RDX: variants seen among roughly 807,000 people sequenced by gnomAD.
The protein encoded by RDX is deafness, autosomal recessive 24.
Under a neutral mutation model 83.7 loss-of-function variants are expected in RDX, and 32 were observed. That is an observed-to-expected ratio of 0.38 (90% CI 0.29 to 0.51). The LOEUF is 0.51. Among genes scored for constraint, RDX ranks in the 20% least tolerant of loss-of-function variants. The pLI is 0.87. For synonymous variants in RDX, 229 were observed against 222.7 expected (o/e 1.03, Z -0.25); for missense variants, 600 against 689.9 (o/e 0.87, Z 1.46).
chr11:110,204,718 T>C (rs1433241797), intron 14 of RDX, among the ~76,000 whole-genome samples: 4 of 152,074 alleles, frequency 2.6e-5, no homozygotes, highest in Non-Finnish European at 4.4e-5. Flanking sequence ...GGCTTTACCA[T>C]GTTGGTCAGG....
chr11:110,191,329 T>C (rs1863099551), intron 15 of RDX, among the ~76,000 whole-genome samples: 1 of 152,226 alleles, frequency 6.6e-6, no homozygotes, highest in Non-Finnish European at 1.5e-5. Context: ...AAAAATGATA[T>C]GATTATCTTA....
Position 110,233,392 on chromosome 11 carries a change from C to T in RDX, c.1432G>A (p.Val478Ile). The change falls in exon 13 of 14, where the codon GTC (valine) becomes ATC (isoleucine). Residue 478 changes from valine (V) to isoleucine (I), a missense_variant. Physicochemically the swap from Val to Ile is conservative, Grantham distance 29. Coordinates refer to ENST00000645495, the MANE Select transcript of RDX (RefSeq NM_002906.4). ...SAPPPPPPPP[V>I]IPPTENEHDE... Reference sequence around the variant, plus strand: ...TGTTCGTTTTCTGTTGGAGGAATGACTGGTGGTGGTGGAGGTGGAGGGGGG... The same window carrying T: ...TGTTCGTTTTCTGTTGGAGGAATGATTGGTGGTGGTGGAGGTGGAGGGGGG... The T allele has an allele frequency of 3.7e-6, 6 of 1,614,060 alleles. No homozygotes were observed. The highest frequency in any genetic ancestry group is 5.1e-6 in the Non-Finnish European group (6 of 1,180,014).
At chr11:110,203,668 TTAAAAA>T (rs1310141641) in intron 14 of RDX, among the ~76,000 whole-genome samples, 2 of 151,960 alleles carry the variant, frequency 1.3e-5, no homozygotes, top group East Asian at 1.9e-4. Context: ...CCCACAAAAA[TTAAAAA>T]TAAATTTTTT....
At chr11:110,293,112 C>T (rs1861310117) in intron 1 of RDX, among the ~76,000 whole-genome samples, 1 of 152,184 alleles carries the variant, frequency 6.6e-6, no homozygotes, top group African/African-American at 2.4e-5. Flanking sequence ...CAATGTTTAA[C>T]ACAAGTTAAT....
Position 110,223,570 on chromosome 11 carries a change from C to T in RDX, c.1748+8303G>A, listed in dbSNP as rs369901591. ...AAAGTTCCTGAGAAGAAACCATCTA[C>T]CTGTAACTTAGATTCTATCAAAAGA... On this transcript the variant is annotated intron_variant, in intron 14 of 15. Transcript: ENST00000528498. Among the ~76,000 whole-genome samples, 27 of 152,002 alleles carry T rather than the reference C, an allele frequency of 1.8e-4. No individual in the cohort carries two copies. In the East Asian group the frequency reaches 2.3e-3, roughly 13 times the overall value.
intron 9 of RDX, among the ~76,000 whole-genome samples, chr11:110,248,604 G>C (rs373869815): frequency 1.3e-5 from 2 of 152,004 alleles, no homozygotes; most frequent in Non-Finnish European, 1.5e-5. Context: ...CACTTTAATG[G>C]GGGAAAAATC....
intron 1 of RDX, among the ~76,000 whole-genome samples, chr11:110,281,142 G>A (rs964594858): frequency 6.6e-6 from 1 of 152,026 alleles, no homozygotes; most frequent in Non-Finnish European, 1.5e-5. Context: ...TCCAGCCTGG[G>A]CAACAGAGCA....
At chr11:110,257,439 AT>A (rs1229646421) in intron 7 of RDX, among the ~76,000 whole-genome samples, 7 of 152,280 alleles carry the variant, frequency 4.6e-5, no homozygotes, top group Non-Finnish European at 7.4e-5. Flanking sequence ...GCATAATAGC[AT>A]TTTAAAGAAT....
At chr11:110,227,649 T>C (rs1864477295), downstream of RDX, among the ~76,000 whole-genome samples, 1 of 152,282 alleles carries the variant, frequency 6.6e-6, no homozygotes, top group South Asian at 2.1e-4. Context: ...AGTTAATATT[T>C]GAAGTCCCCT....
rs543787450 is a variant in RDX, at chr11:110,268,994, ATTTAT to A, written c.96+3537_96+3541del. Among the ~76,000 whole-genome samples the A allele has an allele frequency of 9.3e-5, 14 of 149,894 alleles. No homozygotes were observed. In the East Asian group the frequency reaches 2.7e-3, roughly 29 times the overall value. On this transcript the variant is annotated intron_variant, in intron 3 of 13. Transcript: ENST00000645495. ...ACATATATATATATTTTTTTAATTAATTTATTTATTTTTTTGCCCAAACTGAAGTG... is the reference window on the plus strand; with the variant it reads ...ACATATATATATATTTTTTTAATTAATTATTTTTTTGCCCAAACTGAAGTG...
intron 15 of RDX, among the ~76,000 whole-genome samples, chr11:110,189,109 C>G (rs1401905317): frequency 6.6e-6 from 1 of 151,552 alleles, no homozygotes; most frequent in Non-Finnish European, 1.5e-5. Context: ...TTCAAGAGAC[C>G]CACTGACATT....
At chr11:110,253,008 T>C (rs560756803) in intron 9 of RDX, among the ~76,000 whole-genome samples, 5 of 152,306 alleles carry the variant, frequency 3.3e-5, no homozygotes, top group East Asian at 3.9e-4. Flanking sequence ...TGTTTTGTTA[T>C]GTGGTTAACT....
At chr11:110,190,698 T>C (rs1781640150) in intron 15 of RDX, among the ~76,000 whole-genome samples, 1 of 151,820 alleles carries the variant, frequency 6.6e-6, no homozygotes, top group South Asian at 2.1e-4. Context: ...GACCACTACC[T>C]AGATTAATAG....
intron 2 of RDX, among the ~76,000 whole-genome samples, chr11:110,276,770 G>T (rs1385951112): frequency 6.6e-6 from 1 of 152,052 alleles, no homozygotes; most frequent in Non-Finnish European, 1.5e-5. Context: ...TGTAAATATG[G>T]ATCCACAGTT....
chr11:110,272,828 C>T (rs181398972), intron 2 of RDX: 41 of 559,488 alleles, frequency 7.3e-5, no homozygotes, highest in Non-Finnish European at 1.1e-4. Flanking sequence ...ATGGGCTTTC[C>T]ATACTCTCAT....
chr11:110,258,289 T>C (rs1859634154), intron 5 of RDX, 100 bp from the exon 6 acceptor site: 1 of 754,784 alleles, frequency 1.3e-6, no homozygotes, highest in Non-Finnish European at 2.2e-6. Flanking sequence ...ACTGTGGTAG[T>C]TGTCAGACAA....
intron 4 of RDX, 25 bp from the exon 5 acceptor site, chr11:110,264,259 T>G (rs143681279): frequency 1.2e-4 from 183 of 1,534,150 alleles, no homozygotes; most frequent in East Asian, 5.4e-4. Context: ...TCAAGTATAA[T>G]CAACAAAAAT....
At chr11:110,178,411 T>C (rs930834385) in intron 15 of RDX, among the ~76,000 whole-genome samples, 8 of 152,060 alleles carry the variant, frequency 5.3e-5, no homozygotes, top group African/African-American at 1.7e-4. Flanking sequence ...AAGAAGAGTG[T>C]GGGGAGAGAA....
At chr11:110,205,204 T>C (rs1031418628) in intron 14 of RDX, among the ~76,000 whole-genome samples, 1 of 152,040 alleles carries the variant, frequency 6.6e-6, no homozygotes, top group South Asian at 2.1e-4. Context: ...TAAAATAAAA[T>C]TGGATCCATA....
Sources: gnomAD v4.1 joint callset for allele counts (sites outside exome capture counted in the v4.1 genomes callset) on GRCh38, gnomAD v4.1.1 for gene constraint, MANE v1.5 for transcripts, NCBI Gene and HGNC (gene_info 2026-07-23, HGNC 2026-07-21) for gene names.